Variants in SEM1 observed in about 807,000 individuals in gnomAD.
The protein encoded by SEM1 is 26S proteasome complex subunit SEM1.
Under a neutral mutation model 12.7 loss-of-function variants are expected in SEM1, and 3 were observed. The observed-to-expected ratio is 0.24, with a 90% CI of 0.11 to 0.61. SEM1 has a LOEUF of 0.61. Among genes scored for constraint, SEM1 ranks in the 20% least tolerant of loss-of-function variants. SEM1 has a pLI of 0.88. For missense variants in SEM1, 59 were observed against 81.3 expected, an observed-to-expected ratio of 0.73 and a Z score of 1.06; for synonymous variants, 30 against 27.8, an observed-to-expected ratio of 1.08 and a Z score of -0.25.
At chr7:96,608,222 A>C (rs1032019958) in intron 2 of SEM1, among the ~76,000 whole-genome samples, 1 of 152,216 alleles carries the variant, frequency 6.6e-6, no homozygotes, top group South Asian at 2.1e-4. Context: ...AGGGAAGTAC[A>C]TAAGCAGAGG....
downstream of SEM1, chr7:96,688,256 GT>G (rs1339207657): frequency 6.6e-6 from 1 of 152,076 alleles, no homozygotes; most frequent in Non-Finnish European, 1.5e-5. Flanking sequence ...ATATGCACTT[GT>G]TGATAAAGTA....
At chr7:96,546,415 T>C (rs1805103972) in intron 2 of SEM1, among the ~76,000 whole-genome samples, 1 of 152,126 alleles carries the variant, frequency 6.6e-6, no homozygotes, top group Non-Finnish European at 1.5e-5. Context: ...CTAGAACTTG[T>C]GAAGTAATAC....
intron 2 of SEM1, among the ~76,000 whole-genome samples, chr7:96,540,752 A>G (rs965820163): frequency 1.3e-4 from 20 of 151,736 alleles, no homozygotes; most frequent in African/African-American, 4.8e-4. Context: ...TCAACCCCCC[A>G]GTAGTTTCCA....
At position 96,536,540 on chromosome 7, in the gene SEM1, T is replaced by G. The variant is rs1297962012; in HGVS notation, c.171-29842A>C. ...TGAGGTCTCCAAATACAATAGTGGA[T>G]TTGTCTATTTCTCCTTGCACTTCTA... On this transcript the variant is annotated intron_variant and NMD_transcript_variant, in intron 2 of 3. Coordinates refer to the SEM1 transcript ENST00000466986. Among the ~76,000 whole-genome samples, 8 of 151,866 alleles carry G rather than the reference T, an allele frequency of 5.3e-5. No homozygotes were observed. The South Asian group carries it at 1.4e-3, about 28-fold the overall frequency.
chr7:96,573,150 C>T (rs1451825833), intron 2 of SEM1, among the ~76,000 whole-genome samples: 1 of 149,298 alleles, frequency 6.7e-6, no homozygotes, highest in Admixed American at 6.7e-5. Context: ...GTAAATATTC[C>T]TCTGTCCCTT....
intron 2 of SEM1, among the ~76,000 whole-genome samples, chr7:96,570,528 TC>T (rs1563065437): frequency 6.6e-6 from 1 of 152,228 alleles, no homozygotes; most frequent in African/African-American, 2.4e-5. Context: ...CATAAACTCA[TC>T]CTTTTTATGG....
At chr7:96,643,045 A>G (rs1808663715) in intron 2 of SEM1, among the ~76,000 whole-genome samples, 1 of 152,036 alleles carries the variant, frequency 6.6e-6, no homozygotes, top group Admixed American at 6.6e-5. Flanking sequence ...TTATTTCATC[A>G]CCCATGGATT....
At chr7:96,492,727 G>A (rs1165626117) in intron 1 of SEM1, among the ~76,000 whole-genome samples, 2 of 149,952 alleles carry the variant, frequency 1.3e-5, no homozygotes, top group Admixed American at 6.7e-5. Context: ...TACTATGCCT[G>A]GTCCATTCCA....
rs1382135205 is a variant in SEM1 at position 96,557,094 on chromosome 7, AC to A, written c.171-50397del. ...GGTTATTCTAGTTATACATTCTTCTACATTTTTTTCAAAGTTTTCAACTTCT... is the reference window on the plus strand; with the variant it reads ...GGTTATTCTAGTTATACATTCTTCTAATTTTTTTCAAAGTTTTCAACTTCT... On this transcript the variant is annotated intron_variant and NMD_transcript_variant, in intron 2 of 3. Transcript: ENST00000466986. 3.5e-5 allele frequency among the ~76,000 whole-genome samples: 5 copies of A among 144,046 alleles called. No homozygotes were observed. The East Asian group carries it at 1.1e-3, about 31-fold the overall frequency. The allele number at this position is 144,046 out of a possible 152,430, so 94.5% of individuals were successfully genotyped here. A position where few individuals can be genotyped will look rare whatever the true frequency, so the allele number is the denominator to read the frequency against.
chr7:96,690,744 T>TAG (rs1789906116), intron 2 of SEM1, among the ~76,000 whole-genome samples: 1 of 152,324 alleles, frequency 6.6e-6, no homozygotes, highest in African/African-American at 2.4e-5. Context: ...TGGCTATATC[T>TAG]GATTTGGTAA....
At chr7:96,568,205 T>C (rs575013220) in intron 2 of SEM1, among the ~76,000 whole-genome samples, 1 of 150,612 alleles carries the variant, frequency 6.6e-6, no homozygotes, top group African/African-American at 2.4e-5. Flanking sequence ...TTGAAGTCAC[T>C]TTTGGTGATT....
chr7:96,578,517 A>G (rs972171689), intron 2 of SEM1, among the ~76,000 whole-genome samples: 6 of 150,610 alleles, frequency 4.0e-5, no homozygotes, highest in African/African-American at 1.5e-4. Context: ...AAATTAGCAC[A>G]TTTCTAACAA....
chr7:96,677,361 A>G (rs2115652481), intron 2 of SEM1, among the ~76,000 whole-genome samples: 1 of 152,258 alleles, frequency 6.6e-6, no homozygotes, highest in Admixed American at 6.5e-5. Flanking sequence ...TGGTACAGTG[A>G]CTTAGGTTTT....
At chr7:96,564,511 A>G (rs1805787464) in intron 2 of SEM1, among the ~76,000 whole-genome samples, 3 of 152,178 alleles carry the variant, frequency 2.0e-5, no homozygotes, top group Admixed American at 6.6e-5. Flanking sequence ...TGGAAGTGGT[A>G]TGTTTACTTG....
At chr7:96,538,251 A>G (rs761268523) in intron 2 of SEM1, among the ~76,000 whole-genome samples, 1 of 151,784 alleles carries the variant, frequency 6.6e-6, no homozygotes, top group Admixed American at 6.6e-5. Flanking sequence ...GCTATTTTCA[A>G]TTCCATCTGA....
At chr7:96,507,582 G>A (rs547634054) in intron 2 of SEM1, among the ~76,000 whole-genome samples, 9 of 152,206 alleles carry the variant, frequency 5.9e-5, no homozygotes, top group African/African-American at 2.2e-4. Context: ...CTTCAGTGAT[G>A]CTCTTTCTAA....
chr7:96,512,076 CA>C (rs1476354500), intron 2 of SEM1, among the ~76,000 whole-genome samples: 1 of 152,086 alleles, frequency 6.6e-6, no homozygotes, highest in Admixed American at 6.6e-5. Context: ...ACCATTTCAT[CA>C]AAAGACACAG....
chr7:96,549,402 G>A (rs78649580), intron 2 of SEM1, among the ~76,000 whole-genome samples: 419 of 152,282 alleles, frequency 2.8e-3, no homozygotes, highest in African/African-American at 9.3e-3. Flanking sequence ...GGGCACTTTC[G>A]TGATCCAATC....
intron 2 of SEM1, among the ~76,000 whole-genome samples, chr7:96,512,998 T>G (rs1803979445): frequency 6.6e-6 from 1 of 152,116 alleles, no homozygotes; most frequent in Non-Finnish European, 1.5e-5. Context: ...TATACTGAAG[T>G]CCTCATTCCC....
Sources: gnomAD v4.1 joint callset for allele counts (sites outside exome capture counted in the v4.1 genomes callset) on GRCh38, gnomAD v4.1.1 for gene constraint, MANE v1.5 for transcripts, NCBI Gene and HGNC (gene_info 2026-07-23, HGNC 2026-07-21) for gene names.